The following KCNB2 variants were observed in gnomAD, a reference collection of about 807,000 sequenced individuals.
The protein encoded by KCNB2 is delayed rectifier potassium channel protein.
In KCNB2, 15 loss-of-function variants were observed where a neutral mutation model predicts 61.5. The ratio of observed to expected loss-of-function variants is 0.24; its 90% CI spans 0.16 to 0.38. The LOEUF is 0.38. Among genes scored for constraint, KCNB2 ranks in the 10% least tolerant of loss-of-function variants. KCNB2 has a pLI of 1.00. For synonymous variants in KCNB2, 457 were observed against 446.0 expected (o/e 1.02, Z -0.31); for missense variants, 828 against 1,125.2 (o/e 0.74, Z 3.78).
chr8:72,680,235 G>A (rs1459650538), intron 2 of KCNB2, among the ~76,000 whole-genome samples: 1 of 152,180 alleles, frequency 6.6e-6, no homozygotes, highest in Non-Finnish European at 1.5e-5. Flanking sequence ...TACAAGGAAG[G>A]CATGGGTGGA....
chr8:72,725,515 A>ATATATATATATATATATATATATGTG (rs1249623712), intron 2 of KCNB2, among the ~76,000 whole-genome samples: 4 of 45,792 alleles, frequency 8.7e-5, no homozygotes, highest in Admixed American at 8.0e-4. Context: ...GTCTTCATAT[A>ATATATATATATATATATATATATGTG]TATATATATA....
chr8:72,739,032 A>C (rs1199912585), intron 2 of KCNB2, among the ~76,000 whole-genome samples: 1 of 152,164 alleles, frequency 6.6e-6, no homozygotes, highest in African/African-American at 2.4e-5. Context: ...TTTACCTTTC[A>C]AGTAACAAGT....
chr8:72,574,820 G>C (rs1267771747), intron 2 of KCNB2, among the ~76,000 whole-genome samples: 4 of 151,982 alleles, frequency 2.6e-5, no homozygotes, highest in African/African-American at 4.8e-5. Context: ...ATTATTAGTG[G>C]GTTTGTTTTC....
At chr8:72,747,361 G>A (rs541864245) in intron 2 of KCNB2, among the ~76,000 whole-genome samples, 5 of 152,290 alleles carry the variant, frequency 3.3e-5, no homozygotes, top group African/African-American at 4.8e-5. Flanking sequence ...GGCCCAGATC[G>A]TAAGAGCTTG....
At chr8:72,871,534 T>C (rs1307510941) in intron 2 of KCNB2, among the ~76,000 whole-genome samples, 1 of 152,366 alleles carries the variant, frequency 6.6e-6, no homozygotes, top group East Asian at 1.9e-4. Context: ...ACATTACTTG[T>C]AGTTTTGTAT....
intron 1 of KCNB2, among the ~76,000 whole-genome samples, chr8:72,539,060 A>G (rs1023622718): frequency 7.3e-6 from 1 of 137,548 alleles, no homozygotes; most frequent in African/African-American, 2.5e-5. Context: ...TATCTATTTC[A>G]CTCTTTAGGG....
At chr8:72,726,887 G>A (rs1437312912) in intron 2 of KCNB2, among the ~76,000 whole-genome samples, 4 of 152,146 alleles carry the variant, frequency 2.6e-5, no homozygotes, top group Admixed American at 2.0e-4. Flanking sequence ...CTTGCTGCAT[G>A]AGAACAGAAA....
chr8:72,899,703 A>G (rs879333896), intron 2 of KCNB2, among the ~76,000 whole-genome samples: 1 of 152,216 alleles, frequency 6.6e-6, no homozygotes, highest in Non-Finnish European at 1.5e-5. Context: ...GGAGAACTAC[A>G]AAACACTGCT....
At position 72,614,569 on chromosome 8, in the gene KCNB2, G is replaced by A. The variant is rs868003368; in HGVS notation, c.579+46256G>A. 2.6e-5 allele frequency among the ~76,000 whole-genome samples: 4 copies of A among 152,190 alleles called. No individual in the cohort carries two copies. In the South Asian group the frequency reaches 8.3e-4, roughly 32 times the overall value. On this transcript the variant is annotated intron_variant, in intron 2 of 2. Coordinates refer to ENST00000523207, the MANE Select transcript of KCNB2 (RefSeq NM_004770.3). ...GCAGCATAGATGCCAGTCTCTGACT[G>A]TTGTTGTTAGTGGACACAATTGCTC...
chr8:72,592,193 G>A (rs185849044), intron 2 of KCNB2, among the ~76,000 whole-genome samples: 296 of 152,218 alleles, frequency 1.9e-3, no homozygotes, highest in Non-Finnish European at 1.9e-3. Flanking sequence ...TTCATGATAA[G>A]GAAATTGTGA....
At chr8:72,905,095 C>T (rs1479320289) in intron 2 of KCNB2, among the ~76,000 whole-genome samples, 1 of 152,106 alleles carries the variant, frequency 6.6e-6, no homozygotes, top group African/African-American at 2.4e-5. Flanking sequence ...GTTCCTGCTC[C>T]TATCTATCAA....
At chr8:72,894,707 C>T (rs1805958616) in intron 2 of KCNB2, among the ~76,000 whole-genome samples, 1 of 152,122 alleles carries the variant, frequency 6.6e-6, no homozygotes, top group African/African-American at 2.4e-5. Context: ...GTCTAAACTC[C>T]ATTTCCCAAT....
Position 72,936,879 on chromosome 8 carries a change from C to T in KCNB2, c.1524C>T (p.Phe508=), listed in dbSNP as rs752821146. ...ALSETSSNKS[F]ENKYQEVSQK... ...CGGAAACAAGCTCCAACAAGTCTTT[C>T]GAGAATAAGTACCAGGAGGTTAGCC... is the stretch of plus-strand genomic sequence containing the variant. The change falls in exon 3 of 3, where the codon TTC becomes TTT. Residue 508 remains phenylalanine (F), a synonymous_variant. Coordinates refer to ENST00000523207, the MANE Select transcript of KCNB2 (RefSeq NM_004770.3). This position sits in a 1 kb window ranked among gnomAD's most constrained non-coding sequence, Gnocchi z 5.6. The T allele has an allele frequency of 1.9e-6, 3 of 1,613,944 alleles. No homozygotes were observed. The highest frequency in any genetic ancestry group is 1.3e-5 in the African/African-American group (1 of 74,886).
intron 2 of KCNB2, among the ~76,000 whole-genome samples, chr8:72,768,522 T>C (rs1321438949): frequency 6.6e-6 from 1 of 152,084 alleles, no homozygotes; most frequent in Non-Finnish European, 1.5e-5. Context: ...CTGTATTATA[T>C]GCAGCACAAA....
chr8:72,827,716 T>C (rs1323983716), intron 2 of KCNB2, among the ~76,000 whole-genome samples: 2 of 152,186 alleles, frequency 1.3e-5, no homozygotes, highest in Non-Finnish European at 2.9e-5. Context: ...CAACAAAATA[T>C]CTTTCTAATT....
intron 2 of KCNB2, among the ~76,000 whole-genome samples, chr8:72,870,266 G>A (rs1291598089): frequency 4.6e-5 from 7 of 152,146 alleles, no homozygotes; most frequent in African/African-American, 7.2e-5. Flanking sequence ...AGAGATCTGT[G>A]TACAACGTGG....
chr8:72,690,752 T>G (rs971346376), intron 2 of KCNB2, among the ~76,000 whole-genome samples: 4 of 152,256 alleles, frequency 2.6e-5, no homozygotes, highest in African/African-American at 9.6e-5. Context: ...ATTATGATTA[T>G]TTCTTTAATT....
At chr8:72,932,521 A>G (rs1806808016) in intron 2 of KCNB2, among the ~76,000 whole-genome samples, 2 of 152,042 alleles carry the variant, frequency 1.3e-5, no homozygotes, top group South Asian at 4.1e-4. Flanking sequence ...GACCCCCTAT[A>G]AAACTTGTTT....
intron 2 of KCNB2, among the ~76,000 whole-genome samples, chr8:72,737,485 A>G (rs75194164): frequency 0.014 from 2,122 of 152,278 alleles, 46 homozygotes; most frequent in African/African-American, 0.047. Flanking sequence ...AATGTTCTCA[A>G]TAGTTGTATT....
Sources: allele counts gnomAD v4.1 joint callset (sites outside exome capture counted in the v4.1 genomes callset), GRCh38; gene constraint gnomAD v4.1.1; non-coding constraint Gnocchi (gnomAD v3.1); transcripts MANE v1.5; gene names NCBI Gene and HGNC (gene_info 2026-07-23, HGNC 2026-07-21).